The following RAPGEF6 variants were observed in gnomAD, a reference collection of about 807,000 sequenced individuals.
RAPGEF6 encodes PDZ domain containing guanine nucleotide exchange factor (GEF) 2.
RAPGEF6 carries 56 observed loss-of-function variants against 171.4 expected under a neutral mutation model. That is an observed-to-expected ratio of 0.33 (90% CI 0.26 to 0.41). The LOEUF (loss-of-function observed/expected upper bound fraction) is 0.41, where lower values mean the gene tolerates loss of function less well. RAPGEF6 is among the 10% of genes least tolerant of loss of function. The pLI, the probability that RAPGEF6 is intolerant of heterozygous loss-of-function variation, is 1.00. For synonymous variants in RAPGEF6, 692 were observed against 650.1 expected (o/e 1.06, Z -0.98); for missense variants, 1,674 against 1,921.4 (o/e 0.87, Z 2.41).
At chr5:131,614,305 AAG>A (rs1161538933) in intron 1 of RAPGEF6, among the ~76,000 whole-genome samples, 2 of 150,170 alleles carry the variant, frequency 1.3e-5, no homozygotes, top group Non-Finnish European at 3.0e-5. Flanking sequence ...AAAAAAAAGA[AAG>A]AAAGAAAAAG....
chr5:131,485,505 C>G (rs930632784), intron 15 of RAPGEF6, among the ~76,000 whole-genome samples: 2 of 152,140 alleles, frequency 1.3e-5, no homozygotes, highest in Non-Finnish European at 2.9e-5. Context: ...TAGGAGTTCC[C>G]TTTTCTCATT....
chr5:131,491,021 A>G (rs890566148), intron 14 of RAPGEF6, among the ~76,000 whole-genome samples: 1 of 152,192 alleles, frequency 6.6e-6, no homozygotes. Flanking sequence ...AAGAAGTAAA[A>G]GCATGATAAA....
chr5:131,454,084 T>A (rs1466415967), intron 20 of RAPGEF6, among the ~76,000 whole-genome samples: 1 of 152,138 alleles, frequency 6.6e-6, no homozygotes, highest in East Asian at 1.9e-4. Flanking sequence ...AAAGGGATAA[T>A]GAGCTGAAAA....
At chr5:131,496,968 T>A (rs1298128252) in intron 12 of RAPGEF6, among the ~76,000 whole-genome samples, 2 of 151,944 alleles carry the variant, frequency 1.3e-5, no homozygotes, top group African/African-American at 2.4e-5. Context: ...ATTCCCACCA[T>A]CAATGTGTGT....
intron 3 of RAPGEF6, among the ~76,000 whole-genome samples, chr5:131,594,191 G>A (rs990228237): frequency 3.9e-5 from 6 of 152,210 alleles, no homozygotes; most frequent in African/African-American, 1.4e-4. Flanking sequence ...TCCATCTGGG[G>A]GCAGATTTAC....
rs759073804 is a variant in RAPGEF6, at chr5:131,433,642, T to C, written c.3762A>G (p.Pro1254=). The C allele has an allele frequency of 8.7e-6, 14 of 1,607,888 alleles. No homozygotes were observed. The highest frequency in any genetic ancestry group is 1.1e-5 in the South Asian group (1 of 90,964). The change falls in exon 25 of 28, where the codon CCA becomes CCG. Residue 1254 remains proline (P), a synonymous_variant. Transcript: ENST00000509018. ...GSPHKGYTLI[P]SAKSDNLSDS... ...CAGACAAGTTGTCAGATTTAGCTGA[T>C]GGAATAAGTGTGTAACCTGAACAAG... is the stretch of plus-strand genomic sequence containing the variant.
At chr5:131,614,540 G>A (rs1322777404) in intron 1 of RAPGEF6, among the ~76,000 whole-genome samples, 4 of 152,090 alleles carry the variant, frequency 2.6e-5, no homozygotes, top group East Asian at 1.9e-4. Flanking sequence ...TCAAGAGAAT[G>A]AACTCTCACC....
chr5:131,495,518 A>G, intron 13 of RAPGEF6, 35 bp downstream of exon 13: 1 of 1,560,708 alleles, frequency 6.4e-7, no homozygotes, highest in Non-Finnish European at 8.8e-7. Context: ...GGGGACCACT[A>G]CACTCTGAAG....
chr5:131,563,653 C>A (rs766935180), intron 4 of RAPGEF6, among the ~76,000 whole-genome samples: 1 of 152,110 alleles, frequency 6.6e-6, no homozygotes, highest in Non-Finnish European at 1.5e-5. Flanking sequence ...CAGGCATGCA[C>A]TACCATGCCT....
At chr5:131,604,139 A>G (rs186383120) in intron 2 of RAPGEF6, among the ~76,000 whole-genome samples, 106 of 152,302 alleles carry the variant, frequency 7.0e-4, no homozygotes, top group African/African-American at 2.4e-3. Context: ...TTTCACTTGT[A>G]TAATACAACA....
chr5:131,577,253 C>T (rs1762659919), intron 4 of RAPGEF6, among the ~76,000 whole-genome samples: 1 of 152,188 alleles, frequency 6.6e-6, no homozygotes. Flanking sequence ...CCAGTGGAAC[C>T]TTCATTCCCC....
Position 131,489,548 on chromosome 5 carries a change from A to G in RAPGEF6, c.1838T>C (p.Phe613Ser), listed in dbSNP as rs779883654. Reference sequence around the variant, plus strand: ...GCAATTTTTACAACAAAACTCACCAAAAATGTTGGTCTTCACAGTAAGTGC... The same window carrying G: ...GCAATTTTTACAACAAAACTCACCAGAAATGTTGGTCTTCACAGTAAGTGC... ...HLALTVKTNI[F>S]VFKELLFRTE... Residue 613 changes from phenylalanine to serine, a missense_variant and splice_region_variant, in exon 15 of 28, where the codon TTT becomes TCT. Around this residue, in one of 3 missense-constraint regions of RAPGEF6, gnomAD observed 1,116 missense variants for 1,321.5 expected, o/e 0.84. Transcript: ENST00000509018. The G allele has an allele frequency of 6.4e-7, 1 of 1,562,712 alleles. No homozygotes were observed. The highest frequency in any genetic ancestry group is 8.7e-7 in the Non-Finnish European group (1 of 1,151,506).
chr5:131,462,180 CTGTT>C, intron 18 of RAPGEF6, 92 bp from the exon 19 acceptor site: 1 of 1,061,636 alleles, frequency 9.4e-7, no homozygotes, highest in Non-Finnish European at 1.2e-6. Flanking sequence ...TATCATTTTA[CTGTT>C]AATAACTTTT....
chr5:131,431,302 G>A lies in RAPGEF6; in HGVS notation c.4022C>T (p.Ser1341Leu), dbSNP rs756743512. Residue 1341 changes from serine to leucine, a missense_variant, in exon 26 of 28, where the codon TCG (serine) becomes TTG (leucine). By Grantham distance (145) the Ser-to-Leu change is moderately radical. Coordinates refer to ENST00000509018, the MANE Select transcript of RAPGEF6 (RefSeq NM_016340.6). ...AGAAATCTCTTCATTGCTCACAGAC[G>A]ATGAGACAGCTAAACACTTGATTAG... is the stretch of plus-strand genomic sequence containing the variant. ...PSLIKCLAVS[S>L]SVSNEEISQE... 8 of 1,612,814 alleles carry A rather than the reference G, an allele frequency of 5.0e-6. No homozygotes were observed. Among genetic ancestry groups the A allele is most frequent in the Admixed American group, 1.7e-5 (1 of 59,996 alleles).
intron 1 of RAPGEF6, among the ~76,000 whole-genome samples, chr5:131,609,977 T>C (rs1402267059): frequency 1.3e-5 from 2 of 152,146 alleles, no homozygotes; most frequent in African/African-American, 4.8e-5. Context: ...TCATATCACA[T>C]ACCACACAAT....
chr5:131,479,446 C>T, intron 16 of RAPGEF6, 67 bp downstream of exon 16: 4 of 1,566,440 alleles, frequency 2.6e-6, no homozygotes, highest in Non-Finnish European at 3.5e-6. Flanking sequence ...AAGCCTCCCC[C>T]CACCCCAAAT....
At chr5:131,528,600 T>C (rs996217716) in intron 6 of RAPGEF6, among the ~76,000 whole-genome samples, 2 of 151,946 alleles carry the variant, frequency 1.3e-5, no homozygotes, top group Admixed American at 1.3e-4. Flanking sequence ...CAAAGTAATC[T>C]CCCCACTTTA....
chr5:131,515,225 G>A (rs868494587), intron 7 of RAPGEF6, among the ~76,000 whole-genome samples: 1 of 152,152 alleles, frequency 6.6e-6, no homozygotes, highest in African/African-American at 2.4e-5. Flanking sequence ...TCTCTTTTCT[G>A]TATTCCCATC....
intron 19 of RAPGEF6, among the ~76,000 whole-genome samples, chr5:131,457,252 G>A (rs1186140443): frequency 6.6e-6 from 1 of 152,110 alleles, no homozygotes; most frequent in Non-Finnish European, 1.5e-5. Context: ...TATATTTTTA[G>A]TACAGACAGG....
Sources: gnomAD v4.1 joint callset for allele counts (sites outside exome capture counted in the v4.1 genomes callset) on GRCh38, gnomAD v4.1.1 for gene constraint, gnomAD v4.1.1 regional missense constraint, MANE v1.5 for transcripts, NCBI Gene and HGNC (gene_info 2026-07-23, HGNC 2026-07-21) for gene names.